The following HSP90B1 variants were observed in gnomAD, a reference collection of about 807,000 sequenced individuals.
HSP90B1 encodes the protein heat shock protein 90 beta family member 1.
In HSP90B1, 27 loss-of-function variants were observed where a neutral mutation model predicts 100.4. The ratio of observed to expected loss-of-function variants is 0.27; its 90% CI spans 0.20 to 0.37. The LOEUF (loss-of-function observed/expected upper bound fraction) is 0.37. HSP90B1 is among the 10% of genes least tolerant of loss of function. HSP90B1 has a pLI of 1.00. For missense variants in HSP90B1, 678 were observed against 960.5 expected (o/e 0.71, Z 3.89); for synonymous variants, 304 against 330.8 (o/e 0.92, Z 0.88).
At chr12:103,937,279 T>A (rs753575071) in intron 5 of HSP90B1, among the ~76,000 whole-genome samples, 3 of 152,210 alleles carry the variant, frequency 2.0e-5, no homozygotes, top group Non-Finnish European at 4.4e-5. Context: ...TCTAGCTTTT[T>A]TAAGGAAAAT....
chr12:103,947,014 A>G (rs1260292005), intron 16 of HSP90B1, 73 bp downstream of exon 16: 14 of 1,467,096 alleles, frequency 9.5e-6, no homozygotes, highest in East Asian at 6.8e-5. Context: ...TAGGCCTCTC[A>G]TGATTGAGGG....
At chr12:103,938,720 G>T in intron 7 of HSP90B1, 1 of 194,430 alleles carries the variant, frequency 5.1e-6, no homozygotes. Context: ...TTATATGTTT[G>T]GAATTTTAAA....
chr12:103,931,538 G>T lies in HSP90B1; in HGVS notation c.67G>T (p.Asp23Tyr), dbSNP rs759717800. ...LLTFGSVRAD[D>Y]EVDVDGTVEE... Reference sequence around the variant, plus strand: ...ATCTTCAGGGTCGGTCAGAGCTGACGATGAAGTTGATGTGGATGGTACAGT... The same window carrying T: ...ATCTTCAGGGTCGGTCAGAGCTGACTATGAAGTTGATGTGGATGGTACAGT... The change falls in exon 2 of 18, where the codon GAT (aspartate) becomes TAT (tyrosine). Residue 23 changes from aspartate to tyrosine, a missense_variant. Asp to Tyr is a radical substitution (Grantham distance 160). Transcript: ENST00000299767. 2.5e-5 allele frequency: 41 copies of T among 1,613,378 alleles called. No individual in the cohort carries two copies. The highest frequency in any genetic ancestry group is 3.1e-5 in the Non-Finnish European group (36 of 1,179,544).
intron 1 of HSP90B1, among the ~76,000 whole-genome samples, chr12:103,931,213 GCAACACGTGT>G (rs1363830740): frequency 6.6e-6 from 1 of 152,210 alleles, no homozygotes; most frequent in African/African-American, 2.4e-5. Flanking sequence ...CGGCCTGCGC[GCAACACGTGT>G]GGGTGTAGAA....
chr12:103,943,171 C>T lies in HSP90B1; in HGVS notation c.1742C>T (p.Pro581Leu), dbSNP rs772306767. The T allele has an allele frequency of 6.2e-6, 10 of 1,613,992 alleles. No homozygotes were observed. The highest frequency in any genetic ancestry group is 4.2e-6 in the Non-Finnish European group (5 of 1,180,014). ...PVDEYCIQALPEFDGKRFQNV... is the reference protein window; with the variant it reads ...PVDEYCIQALLEFDGKRFQNV... ...GATGAATACTGTATTCAGGCCCTTCCCGAATTTGATGGGAAGAGGTTCCAG... is the reference window on the plus strand; with the variant it reads ...GATGAATACTGTATTCAGGCCCTTCTCGAATTTGATGGGAAGAGGTTCCAG... Residue 581 changes from proline to leucine, a missense_variant, in exon 13 of 18, where the codon CCC (proline) becomes CTC (leucine). Physicochemically the swap from Pro to Leu is moderately conservative, Grantham distance 98 (BLOSUM62 -3). Around this residue, in one of 8 missense-constraint regions of HSP90B1, gnomAD observed 170 missense variants for 236.7 expected, o/e 0.72. Transcript: ENST00000299767. The surrounding 1 kb of genome is among the most constrained non-coding windows in gnomAD (Gnocchi z 5.3).
At position 103,946,935 on chromosome 12, in the gene HSP90B1, T is replaced by C; in HGVS notation, c.2256T>C (p.Asp752=). ...GCCTCAGTTTGAACATTGACCCTGATGCAAAGGTTTGTATCCCCAACCTTC... is the reference window on the plus strand; with the variant it reads ...GCCTCAGTTTGAACATTGACCCTGACGCAAAGGTTTGTATCCCCAACCTTC... ...MLRLSLNIDP[D]AKVEEEPEEE... The change falls in exon 16 of 18, where the codon GAT becomes GAC. Residue 752 remains aspartate (D), a synonymous_variant. Transcript: ENST00000299767. 1 of 1,612,318 alleles carries C rather than the reference T, an allele frequency of 6.2e-7. No individual in the cohort carries two copies. The highest frequency in any genetic ancestry group is 8.5e-7 in the Non-Finnish European group (1 of 1,179,496).
chr12:103,933,552 A>C (rs1424365123), intron 4 of HSP90B1, among the ~76,000 whole-genome samples: 3 of 152,276 alleles, frequency 2.0e-5, no homozygotes, highest in Admixed American at 6.5e-5. Context: ...TGGAAGGCAG[A>C]CAGCCAGGAA....
rs556013119 is a variant in HSP90B1, at chr12:103,942,515, C to G, written c.1375-12C>G. On this transcript the variant is annotated splice_polypyrimidine_tract_variant and intron_variant, in intron 11 of 17. Transcript: ENST00000299767. The stretch of plus-strand genomic sequence containing the variant: ...TAACTTCTCTAATCAGTTATTCTTT[C>G]ATTGTGTTTAGGTGATTAGGAAGAA... 6.2e-6 allele frequency: 10 copies of G among 1,610,568 alleles called. No individual in the cohort carries two copies. The East Asian group carries it at 2.2e-4, about 36-fold the overall frequency.
chr12:103,939,886 G>A (rs1053274912), intron 8 of HSP90B1, among the ~76,000 whole-genome samples: 1 of 152,122 alleles, frequency 6.6e-6, no homozygotes, highest in Non-Finnish European at 1.5e-5. Flanking sequence ...AGAGTAATTG[G>A]TTTCCAGAAC....
At position 103,931,682 on chromosome 12, in the gene HSP90B1, G is replaced by A. The variant is rs751126415; in HGVS notation, c.152+59G>A. On this transcript the variant is annotated intron_variant, in intron 2 of 17. Coordinates refer to ENST00000299767, the MANE Select transcript of HSP90B1 (RefSeq NM_003299.3). Reference sequence around the variant, plus strand: ...AGCCGTGTGAACCTTGTGAGTTACGGTCACTTCTTATGTATCTCTTCTCCA... The same window carrying A: ...AGCCGTGTGAACCTTGTGAGTTACGATCACTTCTTATGTATCTCTTCTCCA... 3.3e-5 allele frequency: 40 copies of A among 1,197,066 alleles called. No individual in the cohort carries two copies. The African/African-American group carries it at 4.8e-4, about 14-fold the overall frequency. The allele number at this position is 1,197,066 out of a possible 1,614,324, so 74.2% of individuals were successfully genotyped here.
In HSP90B1 at chr12:103,930,604, A is replaced by C; in HGVS notation, c.49+40A>C. On this transcript the variant is annotated intron_variant, in intron 1 of 17. Transcript: ENST00000299767. This position sits in a 1 kb window ranked among gnomAD's most constrained non-coding sequence, Gnocchi z 4.4. ...AGGAGCAGACGTCCCCCCTCCACACACGCGGCCGCTTCTCGAAGGTCCTGG... is the reference window on the plus strand; with the variant it reads ...AGGAGCAGACGTCCCCCCTCCACACCCGCGGCCGCTTCTCGAAGGTCCTGG... The C allele has an allele frequency of 6.3e-7, 1 of 1,579,902 alleles. No homozygotes were observed. The highest frequency in any genetic ancestry group is 8.6e-7 in the Non-Finnish European group (1 of 1,163,054).
chr12:103,942,468 T>C, intron 11 of HSP90B1, 59 bp from the exon 12 acceptor site: 1 of 1,521,642 alleles, frequency 6.6e-7, no homozygotes, highest in Non-Finnish European at 9.0e-7. Flanking sequence ...CTGGGTACCT[T>C]ACATTCTCAA....
chr12:103,946,677 A>G lies in HSP90B1; in HGVS notation c.2087A>G (p.Asp696Gly). The change falls in exon 15 of 18, where the codon GAC becomes GGC. Residue 696 changes from aspartate (D) to glycine (G), a missense_variant. Transcript: ENST00000299767. ...AATCCCAGACACCCGCTGATCAGAG[A>G]CATGCTTCGACGAATTAAGGTAGTA... ...EINPRHPLIR[D>G]MLRRIKEDED... is the part of the protein sequence containing the mutation. 1 of 1,614,036 alleles carries G rather than the reference A, an allele frequency of 6.2e-7. No homozygotes were observed. The highest frequency in any genetic ancestry group is 2.2e-5 in the East Asian group (1 of 44,878).
At chr12:103,935,347 CT>C (rs1869882443) in intron 5 of HSP90B1, among the ~76,000 whole-genome samples, 1 of 152,130 alleles carries the variant, frequency 6.6e-6, no homozygotes, top group Non-Finnish European at 1.5e-5. Flanking sequence ...AGCTTTTTGC[CT>C]TTTTAAAATT....
chr12:103,937,868 A>T (rs1308125157), intron 6 of HSP90B1, 62 bp downstream of exon 6: 2 of 885,998 alleles, frequency 2.3e-6, no homozygotes, highest in Non-Finnish European at 3.6e-6. Flanking sequence ...AATATTCAAC[A>T]CTAAAAGAAT....
At chr12:103,933,002 T>A (rs1869810948) in intron 4 of HSP90B1, 60 bp downstream of exon 4, 1 of 883,608 alleles carries the variant, frequency 1.1e-6, no homozygotes, top group African/African-American at 1.7e-5. Context: ...AGGTAGAGGA[T>A]CCCTATCAGT....
chr12:103,947,568 C>G, intron 17 of HSP90B1, 65 bp from the exon 18 acceptor site: 1 of 1,558,106 alleles, frequency 6.4e-7, no homozygotes, highest in Admixed American at 1.8e-5. Context: ...ATGCACAAAC[C>G]TGTGAGCTAG....
At chr12:103,946,008 C>T (rs554758124) in intron 14 of HSP90B1, among the ~76,000 whole-genome samples, 1 of 152,134 alleles carries the variant, frequency 6.6e-6, no homozygotes, top group Admixed American at 6.5e-5. Context: ...AAAATCCACA[C>T]ATAGTCAAGT....
At chr12:103,938,520 A>C in intron 7 of HSP90B1, 61 bp downstream of exon 7, 1 of 1,553,390 alleles carries the variant, frequency 6.4e-7, no homozygotes, top group Non-Finnish European at 8.7e-7. Flanking sequence ...AAAACCAGGA[A>C]AACCTAAGTA....
Sources: allele counts gnomAD v4.1 joint callset (sites outside exome capture counted in the v4.1 genomes callset), GRCh38; gene constraint gnomAD v4.1.1; regional missense constraint gnomAD v4.1.1; non-coding constraint Gnocchi (gnomAD v3.1); transcripts MANE v1.5; gene names NCBI Gene and HGNC (gene_info 2026-07-23, HGNC 2026-07-21).